Variants in MAPK10 observed in about 807,000 individuals in gnomAD.
MAPK10 encodes JNK3 alpha protein kinase.
In MAPK10, 25 loss-of-function variants were observed where a neutral mutation model predicts 59.3. The ratio of observed to expected loss-of-function variants is 0.42; its 90% confidence interval spans 0.31 to 0.59. MAPK10 has a LOEUF of 0.59. Ranked by LOEUF, MAPK10 falls within the 20% of genes least tolerant of loss-of-function variation. The pLI, the probability that MAPK10 is intolerant of heterozygous loss-of-function variation, is 0.15. For missense variants in MAPK10, 351 were observed against 568.9 expected (o/e 0.62, Z 3.90); for synonymous variants, 190 against 200.5 (o/e 0.95, Z 0.44).
chr4:86,590,286 C>T (rs1161618660), intron 1 of MAPK10, among the ~76,000 whole-genome samples: 3 of 152,070 alleles, frequency 2.0e-5, no homozygotes, highest in Non-Finnish European at 2.9e-5. Context: ...CACATCATCC[C>T]GCCCTTTGCC....
chr4:86,125,093 A>C (rs1185522279), intron 4 of MAPK10: 6 of 151,964 alleles, frequency 3.9e-5, no homozygotes, highest in Non-Finnish European at 8.8e-5. Context: ...TCAATTTAGC[A>C]AAATTTGTTC....
At chr4:86,087,612 TGTCAAA>T (rs1425861263) in intron 9 of MAPK10, among the ~76,000 whole-genome samples, 1 of 120,018 alleles carries the variant, frequency 8.3e-6, no homozygotes, top group Admixed American at 7.6e-5. Flanking sequence ...TTAAAATGTG[TGTCAAA>T]CAGAAGATTA....
chr4:86,506,928 A>G (rs1294329950), intron 1 of MAPK10, among the ~76,000 whole-genome samples: 1 of 152,146 alleles, frequency 6.6e-6, no homozygotes, highest in Non-Finnish European at 1.5e-5. Context: ...GGCTCTGCCC[A>G]CACTAATACA....
chr4:86,081,260 G>A (rs1472592610), intron 9 of MAPK10: 1 of 151,978 alleles, frequency 6.6e-6, no homozygotes, highest in Non-Finnish European at 1.5e-5. Context: ...TGGACTAATG[G>A]TTTAAATGTA....
Position 86,111,959 on chromosome 4 carries a change from A to G in MAPK10, c.237-4607T>C, listed in dbSNP as rs557252520. ...CTGGTTCAGTTTGAGGAGGGCATAT[A>G]TGTCCAGGAGTTTATCTGTTTCTTC... is the stretch of plus-strand genomic sequence containing the variant. On this transcript the variant is annotated intron_variant, in intron 4 of 13. Transcript: ENST00000641462. Among the ~76,000 whole-genome samples, 3 of 152,142 alleles carry G rather than the reference A, an allele frequency of 2.0e-5. No individual in the cohort carries two copies. In the East Asian group the frequency reaches 5.8e-4, roughly 29 times the overall value.
chr4:86,456,077 C>T (rs1751201345), upstream of MAPK10, among the ~76,000 whole-genome samples: 1 of 152,082 alleles, frequency 6.6e-6, no homozygotes, highest in Non-Finnish European at 1.5e-5. Context: ...AAACTGAAAT[C>T]AAGATGGAAA....
At chr4:86,096,583 G>C (rs911895781) in intron 9 of MAPK10, among the ~76,000 whole-genome samples, 12 of 151,912 alleles carry the variant, frequency 7.9e-5, no homozygotes, top group African/African-American at 2.9e-4. Flanking sequence ...GCTTTCCACT[G>C]ACAAGTGCAT....
At chr4:86,386,931 C>G (rs1741541166) in intron 1 of MAPK10, among the ~76,000 whole-genome samples, 1 of 151,954 alleles carries the variant, frequency 6.6e-6, no homozygotes, top group South Asian at 2.1e-4. Flanking sequence ...TCATATGCCT[C>G]AAGACTGTGG....
At chr4:86,517,758 C>G (rs1756804229) in intron 1 of MAPK10, among the ~76,000 whole-genome samples, 1 of 152,070 alleles carries the variant, frequency 6.6e-6, no homozygotes, top group African/African-American at 2.4e-5. Flanking sequence ...CTATCTGTAT[C>G]TATTTACGCT....
chr4:86,017,293 T>A lies in MAPK10; in HGVS notation c.1330A>T (p.Thr444Ser). 6.2e-7 allele frequency: 1 copy of A among 1,614,090 alleles called. No individual in the cohort carries two copies. The highest frequency in any genetic ancestry group is 8.5e-7 in the Non-Finnish European group (1 of 1,180,002). Residue 444 changes from threonine (T) to serine (S), a missense_variant, in exon 14 of 14, where the codon ACC becomes TCC. Physicochemically the swap from Thr to Ser is moderately conservative, Grantham distance 58. This residue lies in a region of MAPK10 where 155 missense variants were observed against 204.2 expected (regional missense o/e 0.76). Transcript: ENST00000641462. The surrounding 1 kb of genome is among the most constrained non-coding windows in gnomAD (Gnocchi z 4.4). Reference sequence around the variant, plus strand: ...CTGCTGTCAGTGTCAGATGCCAGGGTCTGGTCGGTGGACATGGAGGAGATG... The same window carrying A: ...CTGCTGTCAGTGTCAGATGCCAGGGACTGGTCGGTGGACATGGAGGAGATG... ...NDISSMSTDQ[T>S]LASDTDSSLE...
At chr4:86,473,955 GC>G (rs774298037) in intron 1 of MAPK10, among the ~76,000 whole-genome samples, 84 of 152,000 alleles carry the variant, frequency 5.5e-4, no homozygotes, top group Admixed American at 1.3e-3. Context: ...TTCAAGACCA[GC>G]CCTGGCAACA....
upstream of MAPK10, among the ~76,000 whole-genome samples, chr4:86,457,525 G>A (rs1751342510): frequency 6.6e-6 from 1 of 152,128 alleles, no homozygotes; most frequent in Non-Finnish European, 1.5e-5. Context: ...CAACCAAGCT[G>A]AGAATCAAAT....
At position 86,296,373 on chromosome 4, in the gene MAPK10, C is replaced by A. The variant is rs558333693; in HGVS notation, c.-7+58157G>T. Among the ~76,000 whole-genome samples the A allele has an allele frequency of 7.2e-5, 11 of 152,138 alleles. No individual in the cohort carries two copies. In the East Asian group the frequency reaches 2.1e-3, roughly 29 times the overall value. ...GAACAGAAGCTCCCTTCTGAGGGAG[C>A]ACCCAGGAGATGAAAGGAACCAATC... On this transcript the variant is annotated intron_variant, in intron 2 of 13. Coordinates refer to ENST00000641462, the MANE Select transcript of MAPK10 (RefSeq NM_138982.4).
At chr4:86,575,063 A>G (rs1379788799) in intron 1 of MAPK10, among the ~76,000 whole-genome samples, 1 of 152,202 alleles carries the variant, frequency 6.6e-6, no homozygotes, top group East Asian at 1.9e-4. Flanking sequence ...GGCATCATCC[A>G]ATCTGTTGAG....
intron 1 of MAPK10, among the ~76,000 whole-genome samples, chr4:86,493,794 T>C (rs1370501924): frequency 2.0e-5 from 3 of 152,170 alleles, no homozygotes; most frequent in African/African-American, 7.2e-5. Flanking sequence ...AAATTGTTAA[T>C]GTTTTAAAAA....
At chr4:86,448,412 T>A (rs1002620060) in intron 1 of MAPK10, among the ~76,000 whole-genome samples, 15 of 150,272 alleles carry the variant, frequency 1.0e-4, no homozygotes, top group Admixed American at 6.0e-4. Context: ...TTTTTTTTTT[T>A]ATCTTAAATT....
chr4:86,076,357 C>G (rs888502855), intron 9 of MAPK10, among the ~76,000 whole-genome samples: 5 of 152,212 alleles, frequency 3.3e-5, no homozygotes, highest in African/African-American at 9.6e-5. Flanking sequence ...CCATCTTCTG[C>G]GTCGCTCACG....
intron 1 of MAPK10, among the ~76,000 whole-genome samples, chr4:86,516,394 G>A (rs1478627330): frequency 1.3e-5 from 2 of 151,956 alleles, no homozygotes; most frequent in African/African-American, 4.8e-5. Context: ...TGAATTTTAG[G>A]ATTATTTTTT....
At chr4:86,345,182 C>T (rs1036158256) in intron 2 of MAPK10, among the ~76,000 whole-genome samples, 3 of 152,066 alleles carry the variant, frequency 2.0e-5, no homozygotes, top group African/African-American at 7.2e-5. Flanking sequence ...CCTTCTGAGC[C>T]CCCTCTTCCC....
Sources: gnomAD v4.1 joint callset for allele counts (sites outside exome capture counted in the v4.1 genomes callset) on GRCh38, gnomAD v4.1.1 for gene constraint, gnomAD v4.1.1 regional missense constraint, Gnocchi (gnomAD v3.1) non-coding constraint, MANE v1.5 for transcripts, NCBI Gene and HGNC (gene_info 2026-07-23, HGNC 2026-07-21) for gene names.